Variants in GRIP1 observed in about 807,000 individuals in gnomAD.
GRIP1 encodes glutamate receptor interacting protein 1.
Under a neutral mutation model 129.9 loss-of-function variants are expected in GRIP1, and 45 were observed. The observed-to-expected ratio is 0.35, with a 90% CI of 0.27 to 0.44. The LOEUF (loss-of-function observed/expected upper bound fraction) is 0.44, where lower values mean the gene tolerates loss of function less well. Ranked by LOEUF, GRIP1 falls within the 20% of genes least tolerant of loss-of-function variation. GRIP1 has a pLI of 1.00. For missense variants in GRIP1, 1,196 were observed against 1,396.8 expected, an observed-to-expected ratio of 0.86 and a Z score of 2.29; for synonymous variants, 530 against 520.8, an observed-to-expected ratio of 1.02 and a Z score of -0.24.
At chr12:67,047,686 A>T (rs777741041) in intron 1 of GRIP1, among the ~76,000 whole-genome samples, 1 of 152,170 alleles carries the variant, frequency 6.6e-6, no homozygotes, top group East Asian at 1.9e-4. Context: ...AGCACTGCAC[A>T]TTTAGGTTGC....
At chr12:66,998,677 G>C (rs914526904) in intron 1 of GRIP1, among the ~76,000 whole-genome samples, 1 of 152,068 alleles carries the variant, frequency 6.6e-6, no homozygotes, top group East Asian at 1.9e-4. Context: ...AACAGGACAG[G>C]AATCTATCTG....
intron 1 of GRIP1, among the ~76,000 whole-genome samples, chr12:66,618,527 TA>T (rs1287692586): frequency 1.3e-5 from 2 of 151,852 alleles, no homozygotes; most frequent in South Asian, 2.1e-4. Flanking sequence ...ATCTATCTAT[TA>T]AAAAAAAGTA....
chr12:66,530,003 C>T, intron 4 of GRIP1, 89 bp from the exon 5 acceptor site: 1 of 829,240 alleles, frequency 1.2e-6, no homozygotes, highest in South Asian at 1.4e-5. Context: ...TATTACAGAT[C>T]CCTGTTGCAA....
chr12:66,476,001 C>A (rs1264923455), intron 7 of GRIP1, among the ~76,000 whole-genome samples: 2 of 152,006 alleles, frequency 1.3e-5, no homozygotes, highest in Middle Eastern at 6.8e-3. Flanking sequence ...TAGCAGAAGG[C>A]AAGAAATAAC....
intron 1 of GRIP1, among the ~76,000 whole-genome samples, chr12:66,943,263 C>T (rs2041615787): frequency 6.6e-6 from 1 of 152,134 alleles, no homozygotes; most frequent in Non-Finnish European, 1.5e-5. Context: ...GGGTCTTGAA[C>T]AGCAGGGGGC....
intron 1 of GRIP1, among the ~76,000 whole-genome samples, chr12:66,693,795 G>A (rs1460719710): frequency 2.6e-5 from 4 of 152,144 alleles, no homozygotes; most frequent in South Asian, 2.1e-4. Flanking sequence ...GTATCAAGGC[G>A]AATCCCATGA....
intron 8 of GRIP1, among the ~76,000 whole-genome samples, chr12:66,464,110 G>A (rs1198763229): frequency 6.6e-6 from 1 of 152,168 alleles, no homozygotes; most frequent in African/African-American, 2.4e-5. Flanking sequence ...AGGGGAGACT[G>A]GTCATTCAGG....
At chr12:66,647,446 T>C (rs911838693) in intron 1 of GRIP1, 20 of 152,208 alleles carry the variant, frequency 1.3e-4, no homozygotes, top group African/African-American at 4.3e-4. Context: ...CACAGAAGCT[T>C]TTGAGAATCT....
chr12:66,617,156 A>G (rs1207443109), intron 1 of GRIP1, among the ~76,000 whole-genome samples: 1 of 146,978 alleles, frequency 6.8e-6, no homozygotes. Flanking sequence ...GGAGGTGAAG[A>G]GAGTTATAAC....
At chr12:66,492,847 T>C (rs1473609276) in intron 7 of GRIP1, among the ~76,000 whole-genome samples, 1 of 151,952 alleles carries the variant, frequency 6.6e-6, no homozygotes, top group Non-Finnish European at 1.5e-5. Flanking sequence ...CCATCTCTAC[T>C]AAAAATACAA....
rs1353602657 is a variant in GRIP1, at chr12:67,001,196, T to C, written c.58+67854A>G. Among the ~76,000 whole-genome samples the C allele has an allele frequency of 2.0e-5, 3 of 152,216 alleles. No individual in the cohort carries two copies. The South Asian group carries it at 6.2e-4, about 31-fold the overall frequency. ...TACCAGATATTTTTGGAAAGAGTTC[T>C]GATTGTCTCTCCAGATTTGCTCTAG... On this transcript the variant is annotated intron_variant, in intron 1 of 1. Transcript: ENST00000643019.
intron 1 of GRIP1, among the ~76,000 whole-genome samples, chr12:66,925,756 T>G (rs2041286021): frequency 1.3e-5 from 2 of 152,176 alleles, no homozygotes; most frequent in African/African-American, 4.8e-5. Context: ...GGGATTCTCC[T>G]ACCTCAGCCT....
At chr12:66,644,986 G>C (rs1029407297) in intron 1 of GRIP1, among the ~76,000 whole-genome samples, 1 of 152,114 alleles carries the variant, frequency 6.6e-6, no homozygotes, top group African/African-American at 2.4e-5. Context: ...GGTAGTAATA[G>C]TATTTCTACT....
intron 1 of GRIP1, among the ~76,000 whole-genome samples, chr12:66,636,666 G>A (rs1187443635): frequency 1.3e-5 from 2 of 151,478 alleles, no homozygotes; most frequent in Admixed American, 1.3e-4. Flanking sequence ...ATGAAGCCCT[G>A]ATCCAACAGA....
intron 1 of GRIP1, among the ~76,000 whole-genome samples, chr12:67,024,466 G>A (rs968045513): frequency 6.6e-5 from 10 of 152,206 alleles, no homozygotes; most frequent in South Asian, 2.1e-4. Context: ...GGGGAAACCC[G>A]GGCCAAGGCA....
intron 1 of GRIP1, among the ~76,000 whole-genome samples, chr12:66,983,404 A>G (rs2042266346): frequency 6.6e-6 from 1 of 152,156 alleles, no homozygotes; most frequent in Non-Finnish European, 1.5e-5. Flanking sequence ...AAGAAATCAA[A>G]ATATTATTAA....
At chr12:66,672,335 C>T (rs7135224) in intron 1 of GRIP1, among the ~76,000 whole-genome samples, 45,933 of 151,842 alleles carry the variant, frequency 0.3, 7,360 homozygotes, top group Admixed American at 0.39. Flanking sequence ...TTTCTAATAC[C>T]CCGAGCTTTG....
chr12:66,377,072 G>A lies in GRIP1; in HGVS notation c.2734-11C>T. The A allele has an allele frequency of 6.2e-7, 1 of 1,609,812 alleles. No homozygotes were observed. Among genetic ancestry groups the A allele is most frequent in the South Asian group, 1.1e-5 (1 of 90,980 alleles). On this transcript the variant is annotated splice_polypyrimidine_tract_variant and intron_variant, in intron 21 of 24. Transcript: ENST00000359742. Reference sequence around the variant, plus strand: ...CCTGTCAGCTTTCTCCTGTGGAAAGGGTTAAAGCTTTTAAATGAACTGGTG... The same window carrying A: ...CCTGTCAGCTTTCTCCTGTGGAAAGAGTTAAAGCTTTTAAATGAACTGGTG...
chr12:66,810,387 G>A (rs534538355), intron 1 of GRIP1, among the ~76,000 whole-genome samples: 6 of 152,106 alleles, frequency 3.9e-5, no homozygotes, highest in Admixed American at 6.5e-5. Flanking sequence ...GTGAAACCCC[G>A]TCTCTACTAA....
Sources: gnomAD v4.1 joint callset for allele counts (sites outside exome capture counted in the v4.1 genomes callset) on GRCh38, gnomAD v4.1.1 for gene constraint, MANE v1.5 for transcripts, NCBI Gene and HGNC (gene_info 2026-07-23, HGNC 2026-07-21) for gene names.